LMNTD1: variants seen among roughly 807,000 people sequenced by gnomAD.
LMNTD1 encodes lamin tail domain-containing protein 1.
Under a neutral mutation model 50.9 loss-of-function variants are expected in LMNTD1, and 35 were observed. That is an observed-to-expected ratio of 0.69 (90% confidence interval 0.53 to 0.91). The LOEUF is 0.91. LMNTD1 is among the 40% of genes least tolerant of loss of function. The pLI is 0.00. For missense variants in LMNTD1, 470 were observed against 475.5 expected, an observed-to-expected ratio of 0.99 and a Z score of 0.11; for synonymous variants, 153 against 161.9, an observed-to-expected ratio of 0.94 and a Z score of 0.42.
At chr12:25,518,757 A>G (rs1358669235) in intron 8 of LMNTD1, 38 bp downstream of exon 8, 1 of 1,595,904 alleles carries the variant, frequency 6.3e-7, no homozygotes, top group Non-Finnish European at 8.6e-7. Context: ...ATGCACACAC[A>G]CGCACTCTCC....
intron 1 of LMNTD1, among the ~76,000 whole-genome samples, chr12:25,595,631 A>G (rs1317792569): frequency 2.0e-5 from 3 of 152,168 alleles, no homozygotes; most frequent in Admixed American, 1.3e-4. Context: ...AAGGTCTGAA[A>G]GAGCACAAAC....
At chr12:25,519,698 G>T (rs1313153630) in intron 7 of LMNTD1, among the ~76,000 whole-genome samples, 160 bp downstream of exon 7, 3 of 150,050 alleles carry the variant, frequency 2.0e-5, no homozygotes, top group African/African-American at 7.4e-5. Context: ...TTCTGTTTTC[G>T]TGCTTTTCCT....
chr12:25,593,825 A>C (rs561728861), intron 1 of LMNTD1, among the ~76,000 whole-genome samples: 50 of 152,130 alleles, frequency 3.3e-4, no homozygotes, highest in Non-Finnish European at 5.9e-4. Flanking sequence ...GAAAGATACA[A>C]GAAGTGAAGG....
chr12:25,479,764 A>C (rs1256012292), intron 9 of LMNTD1, among the ~76,000 whole-genome samples: 1 of 152,202 alleles, frequency 6.6e-6, no homozygotes, highest in Non-Finnish European at 1.5e-5. Context: ...AGTGAAGACA[A>C]ATCGCTGCCC....
At chr12:25,531,770 A>C (rs1170961234) in intron 4 of LMNTD1, among the ~76,000 whole-genome samples, 1 of 152,122 alleles carries the variant, frequency 6.6e-6, no homozygotes, top group East Asian at 1.9e-4. Flanking sequence ...TTTAATTAGA[A>C]GTAGATTAAA....
chr12:25,513,078 C>T (rs777406814), intron 8 of LMNTD1, among the ~76,000 whole-genome samples: 4 of 152,148 alleles, frequency 2.6e-5, no homozygotes, highest in African/African-American at 4.8e-5. Flanking sequence ...AATTCCTAAC[C>T]GCCTACATTG....
At position 25,503,797 on chromosome 12, in the gene LMNTD1, G is replaced by A; in HGVS notation, c.1193C>T (p.Ser398Phe). 1 of 1,567,930 alleles carries A rather than the reference G, an allele frequency of 6.4e-7. No individual in the cohort carries two copies. Among genetic ancestry groups the A allele is most frequent in the Non-Finnish European group, 8.7e-7 (1 of 1,149,370 alleles). ...RSTRPNRASG[S>F]KKKKTSESQK... The stretch of plus-strand genomic sequence containing the variant: ...TGACTCAGATGTCTTCTTTTTCTTA[G>A]ACCCTGAAAATTAAAAAAAATAATT... Residue 398 changes from serine (S) to phenylalanine (F), a missense_variant, in exon 9 of 10, where the codon TCT becomes TTT. Transcript: ENST00000458174.
rs1361461554 is a variant in LMNTD1, at chr12:25,552,911, T to C, written c.49A>G (p.Lys17Glu). 8 of 1,554,418 alleles carry C rather than the reference T, an allele frequency of 5.1e-6. No individual in the cohort carries two copies. The highest frequency in any genetic ancestry group is 1.4e-5 in the African/African-American group (1 of 73,108). The change falls in exon 2 of 10, where the codon AAA (lysine) becomes GAA (glutamate). Residue 17 changes from lysine to glutamate, a missense_variant. Physicochemically the swap from Lys to Glu is moderately conservative, Grantham distance 56. Transcript: ENST00000458174. ...IQEASKAMQN[K>E]VHEQEDKNEK... Reference sequence around the variant, plus strand: ...TTCTTATCTTCCTGCTCATGGACTTTATTCTGCATTGCCTTCGAAGCTTCC... The same window carrying C: ...TTCTTATCTTCCTGCTCATGGACTTCATTCTGCATTGCCTTCGAAGCTTCC...
At chr12:25,571,871 G>C (rs919064979) in intron 1 of LMNTD1, among the ~76,000 whole-genome samples, 16 of 152,090 alleles carry the variant, frequency 1.1e-4, no homozygotes, top group Non-Finnish European at 1.9e-4. Context: ...GGGTTTCACT[G>C]TGTTAGCCAT....
intron 1 of LMNTD1, among the ~76,000 whole-genome samples, chr12:25,580,222 T>C (rs1403190540): frequency 6.6e-6 from 1 of 152,186 alleles, no homozygotes; most frequent in Non-Finnish European, 1.5e-5. Context: ...ATTTTGTAGT[T>C]TTTCATGACC....
chr12:25,523,398 T>G (rs1191205707), intron 6 of LMNTD1, among the ~76,000 whole-genome samples: 1 of 152,222 alleles, frequency 6.6e-6, no homozygotes, highest in Non-Finnish European at 1.5e-5. Context: ...TATAAAATAT[T>G]ATTCAAGTCC....
intron 3 of LMNTD1, chr12:25,547,345 C>T (rs529487928): frequency 5.6e-5 from 10 of 178,326 alleles, no homozygotes; most frequent in Admixed American, 2.0e-4. Flanking sequence ...TCCAAGTTTC[C>T]GTTTTCCTGA....
chr12:25,513,974 A>ATTTT (rs1555211786), intron 8 of LMNTD1, among the ~76,000 whole-genome samples: 2 of 151,902 alleles, frequency 1.3e-5, no homozygotes, highest in African/African-American at 4.8e-5. Flanking sequence ...AAAGGTATCA[A>ATTTT]CTCTCAACAT....
At chr12:25,560,839 T>C (rs1019019584) in intron 1 of LMNTD1, among the ~76,000 whole-genome samples, 17 of 152,328 alleles carry the variant, frequency 1.1e-4, no homozygotes, top group African/African-American at 3.8e-4. Context: ...TGTTTGTCTG[T>C]TATTGATGTA....
chr12:25,619,485 T>C (rs1946428615), intron 1 of LMNTD1, among the ~76,000 whole-genome samples: 2 of 152,208 alleles, frequency 1.3e-5, no homozygotes, highest in African/African-American at 2.4e-5. Context: ...GTTTGCCTTT[T>C]GTAATCAGTT....
intron 1 of LMNTD1, among the ~76,000 whole-genome samples, chr12:25,618,625 G>C (rs1342971371): frequency 6.6e-6 from 1 of 152,088 alleles, no homozygotes; most frequent in African/African-American, 2.4e-5. Context: ...TTTAGGCCTG[G>C]AAAGGAAAGG....
intron 4 of LMNTD1, among the ~76,000 whole-genome samples, chr12:25,541,792 A>G (rs372636069): frequency 7.7e-6 from 1 of 130,408 alleles, no homozygotes; most frequent in African/African-American, 2.8e-5. Flanking sequence ...GCAACCTACA[A>G]AATGGGAGAA....
intron 1 of LMNTD1, among the ~76,000 whole-genome samples, chr12:25,588,999 G>T (rs931025799): frequency 1.3e-5 from 2 of 152,012 alleles, no homozygotes; most frequent in African/African-American, 2.4e-5. Flanking sequence ...TCTTAGTAAG[G>T]GTATAGAGGA....
rs143325562 is a variant in LMNTD1 at position 25,613,795 on chromosome 12, T to G, written c.58+34699A>C. Among the ~76,000 whole-genome samples, 18 of 46,718 alleles carry G rather than the reference T, an allele frequency of 3.9e-4. No individual in the cohort carries two copies. The South Asian group carries it at 5.3e-3, about 14-fold the overall frequency. 30.6% of individuals were successfully genotyped at this position (46,718 alleles called of 152,430 possible). A position where few individuals can be genotyped will look rare whatever the true frequency, so the allele number is the denominator to read the frequency against. On this transcript the variant is annotated intron_variant, in intron 1 of 7. Coordinates refer to the LMNTD1 transcript ENST00000445693. The stretch of plus-strand genomic sequence containing the variant: ...TGGAAAGAGAGAAAGTATTTGGAAA[T>G]ACTTTCACTTTTTTCACAGAACCCC...
Sources: allele counts gnomAD v4.1 joint callset (sites outside exome capture counted in the v4.1 genomes callset), GRCh38; gene constraint gnomAD v4.1.1; transcripts MANE v1.5; gene names NCBI Gene and HGNC (gene_info 2026-07-23, HGNC 2026-07-21).